Variants in RPS6KA5 observed in about 807,000 individuals in gnomAD.
The protein encoded by RPS6KA5 is ribosomal protein S6 kinase alpha-5.
In RPS6KA5, 27 loss-of-function variants were observed where a neutral mutation model predicts 85.5. The observed-to-expected ratio is 0.32, with a 90% CI of 0.23 to 0.44. The LOEUF is 0.44. Among genes scored for constraint, RPS6KA5 ranks in the 20% least tolerant of loss-of-function variants. The pLI is 1.00. For missense variants in RPS6KA5, 811 were observed against 980.9 expected, an observed-to-expected ratio of 0.83 and a Z score of 2.31; for synonymous variants, 334 against 348.2, an observed-to-expected ratio of 0.96 and a Z score of 0.46.
intron 3 of RPS6KA5, among the ~76,000 whole-genome samples, chr14:90,948,926 T>C (rs896047116): frequency 2.3e-4 from 35 of 152,362 alleles, no homozygotes; most frequent in African/African-American, 8.4e-4. Flanking sequence ...AATTTTTCTT[T>C]TACTTTGTCC....
chr14:90,976,657 T>C lies in RPS6KA5; in HGVS notation c.394+1649A>G, dbSNP rs774933257. On this transcript the variant is annotated intron_variant, in intron 3 of 16. Transcript: ENST00000614987. ...ATATATATCAAAAAAATCAATAACA[T>C]AGCAGATACACACAGGAGGCAGAAT... 3.9e-5 allele frequency among the ~76,000 whole-genome samples: 6 copies of C among 152,190 alleles called. No individual in the cohort carries two copies. In the East Asian group the frequency reaches 1.2e-3, roughly 29 times the overall value.
rs138947089 is a variant in RPS6KA5, at chr14:90,883,940, CT to C, written c.1836+6546del. ...ATGCCTGGTAGCTTTCTAATTTTCCCTGTATAAGCAGTTGCTTTGGAATGTA... is the reference window on the plus strand; with the variant it reads ...ATGCCTGGTAGCTTTCTAATTTTCCCGTATAAGCAGTTGCTTTGGAATGTA... On this transcript the variant is annotated intron_variant, in intron 14 of 16. Transcript: ENST00000614987. 1.2e-3 allele frequency among the ~76,000 whole-genome samples: 185 copies of C among 152,254 alleles called. 6 individuals are homozygous for C. The East Asian group carries it at 0.026, about 21-fold the overall frequency.
In RPS6KA5 at chr14:90,899,293, T is replaced by C. The variant is rs371337024; in HGVS notation, c.1473+36A>G. On this transcript the variant is annotated intron_variant, in intron 12 of 16. Transcript: ENST00000614987. Reference sequence around the variant, plus strand: ...AAGTACAACCCTGTAAGTGAATTAGTACACATGGGAAAAAAAAAAAAAAAA... The same window carrying C: ...AAGTACAACCCTGTAAGTGAATTAGCACACATGGGAAAAAAAAAAAAAAAA... 3.6e-4 allele frequency: 464 copies of C among 1,306,354 alleles called. 1 individual carries two copies. Among genetic ancestry groups the C allele is most frequent in the Non-Finnish European group, 4.6e-4 (438 of 953,644 alleles). The allele number at this position is 1,306,354 out of a possible 1,614,324, so 80.9% of individuals were successfully genotyped here. A position where few individuals can be genotyped will look rare whatever the true frequency, so the allele number is the denominator to read the frequency against.
intron 7 of RPS6KA5, among the ~76,000 whole-genome samples, chr14:90,918,107 C>T (rs796193437): frequency 2.0e-5 from 3 of 152,200 alleles, no homozygotes; most frequent in African/African-American, 7.2e-5. Flanking sequence ...TAAGAAATTG[C>T]CTATTTTCCA....
At chr14:90,949,495 T>C (rs2038055654) in intron 3 of RPS6KA5, among the ~76,000 whole-genome samples, 1 of 152,232 alleles carries the variant, frequency 6.6e-6, no homozygotes, top group Non-Finnish European at 1.5e-5. Context: ...AAGCACAAAA[T>C]AGATATTTAT....
rs1363731093 is a variant in RPS6KA5 at position 90,869,240 on chromosome 14, TG to T, written c.*2833del. 2.6e-5 allele frequency: 4 copies of T among 152,206 alleles called. No homozygotes were observed. Among genetic ancestry groups the T allele is most frequent in the African/African-American group, 7.2e-5 (3 of 41,438 alleles). 9.4% of individuals were successfully genotyped at this position (152,206 alleles called of 1,614,324 possible). On this transcript the variant is annotated 3_prime_UTR_variant, in exon 17 of 17. Transcript: ENST00000614987. ...CAGTGTCTCACTATGTTGCCCAGGT[TG>T]GTCTCTAACTCCTGGTTTCAAGTGA...
intron 5 of RPS6KA5, among the ~76,000 whole-genome samples, chr14:90,935,176 T>C (rs2037192519): frequency 6.6e-6 from 1 of 152,174 alleles, no homozygotes; most frequent in Admixed American, 6.5e-5. Context: ...AAACACGCTC[T>C]TTATGGAGCC....
chr14:90,904,552 GTT>G (rs1337540055), intron 8 of RPS6KA5, among the ~76,000 whole-genome samples: 1 of 152,068 alleles, frequency 6.6e-6, no homozygotes, highest in Non-Finnish European at 1.5e-5. Context: ...CAGCTGTAAT[GTT>G]TTCCATTATA....
At chr14:90,923,301 A>G in intron 5 of RPS6KA5, 105 bp from the exon 6 acceptor site, 2 of 842,828 alleles carry the variant, frequency 2.4e-6, no homozygotes, top group Non-Finnish European at 3.9e-6. Flanking sequence ...ATAGTGGCAA[A>G]GTAGTGGTAG....
rs1337960520 is a variant in RPS6KA5 at position 90,855,242 on chromosome 14, T to C, written c.*16832A>G. On this transcript the variant is annotated 3_prime_UTR_variant, in exon 17 of 17. Coordinates refer to ENST00000614987, the MANE Select transcript of RPS6KA5 (RefSeq NM_004755.4). ...GCAAAATCATGAATGGCATTAATTTTCTGCTATTTTAAAGGTATTATGTTT... is the reference window on the plus strand; with the variant it reads ...GCAAAATCATGAATGGCATTAATTTCCTGCTATTTTAAAGGTATTATGTTT... 1 of 152,210 alleles carries C rather than the reference T, an allele frequency of 6.6e-6. No individual in the cohort carries two copies. Among genetic ancestry groups the C allele is most frequent in the Non-Finnish European group, 1.5e-5 (1 of 68,034 alleles). The allele number at this position is 152,210 out of a possible 1,614,324, so 9.4% of individuals were successfully genotyped here.
In RPS6KA5 at chr14:90,890,583, C is replaced by T. The variant is rs1192132225; in HGVS notation, c.1740G>A (p.Lys580=). The T allele has an allele frequency of 1.9e-6, 3 of 1,614,180 alleles. No individual in the cohort carries two copies. In the South Asian group the frequency reaches 3.3e-5, roughly 18 times the overall value. The change falls in exon 14 of 17, where the codon AAG becomes AAA. Residue 580 remains lysine, a synonymous_variant. Coordinates refer to ENST00000614987, the MANE Select transcript of RPS6KA5 (RefSeq NM_004755.4). ...RLKPPDNQPL[K]TPCFTLHYAA... ...CATAATGAAGGGTGAAGCATGGAGT[C>T]TTCAGGGGCTGATTATCCGGTGGCT...
chr14:90,908,486 T>C (rs1187902068), intron 7 of RPS6KA5, among the ~76,000 whole-genome samples: 1 of 151,884 alleles, frequency 6.6e-6, no homozygotes, highest in African/African-American at 2.4e-5. Context: ...AAACAGAAGA[T>C]ATGTGGAAGG....
At chr14:90,993,909 T>C (rs1236729531) in intron 2 of RPS6KA5, among the ~76,000 whole-genome samples, 1 of 144,024 alleles carries the variant, frequency 6.9e-6, no homozygotes, top group Non-Finnish European at 1.5e-5. Flanking sequence ...CTATTCTCTA[T>C]TTTTTTTTTT....
chr14:90,894,172 G>C (rs2034707754), intron 13 of RPS6KA5: 4 of 1,145,858 alleles, frequency 3.5e-6, no homozygotes, highest in Non-Finnish European at 4.3e-6. Flanking sequence ...TCCATAAAAG[G>C]TTCTCACACT....
intron 2 of RPS6KA5, among the ~76,000 whole-genome samples, chr14:90,983,862 T>TCTGA (rs1449132186): frequency 6.6e-6 from 1 of 150,420 alleles, no homozygotes; most frequent in East Asian, 2.0e-4. Flanking sequence ...TTTCTTTCTT[T>TCTGA]CTGACCAAGT....
intron 1 of RPS6KA5, among the ~76,000 whole-genome samples, chr14:91,013,960 A>C (rs1427990172): frequency 6.6e-6 from 1 of 152,236 alleles, no homozygotes; most frequent in Non-Finnish European, 1.5e-5. Flanking sequence ...TACTAAAATT[A>C]ATCTATTCTG....
chr14:91,032,956 G>A (rs2042248260), intron 1 of RPS6KA5, among the ~76,000 whole-genome samples: 1 of 151,770 alleles, frequency 6.6e-6, no homozygotes, highest in Non-Finnish European at 1.5e-5. Context: ...GGCAGATCGA[G>A]GTCAGGAGAT....
At chr14:90,955,722 A>G (rs1352329777) in intron 3 of RPS6KA5, among the ~76,000 whole-genome samples, 1 of 152,172 alleles carries the variant, frequency 6.6e-6, no homozygotes, top group Non-Finnish European at 1.5e-5. Flanking sequence ...TACTATTTAG[A>G]GTTCTATAGA....
intron 3 of RPS6KA5, 27 bp from the exon 4 acceptor site, chr14:90,947,577 T>C (rs1459189292): frequency 1.6e-6 from 2 of 1,290,020 alleles, no homozygotes; most frequent in East Asian, 2.3e-5. Flanking sequence ...TTTTTCTTTC[T>C]TAAACATGCA....
Sources: allele counts gnomAD v4.1 joint callset (sites outside exome capture counted in the v4.1 genomes callset), GRCh38; gene constraint gnomAD v4.1.1; transcripts MANE v1.5; gene names NCBI Gene and HGNC (gene_info 2026-07-23, HGNC 2026-07-21).